PPHLN1: variants seen among roughly 807,000 people sequenced by gnomAD.
PPHLN1 encodes the protein periphilin-1.
Under a neutral mutation model 51.3 loss-of-function variants are expected in PPHLN1, and 29 were observed. That is an observed-to-expected ratio of 0.57 (90% confidence interval 0.42 to 0.77). The LOEUF (loss-of-function observed/expected upper bound fraction) is 0.77, where lower values mean the gene tolerates loss of function less well. PPHLN1 is among the 30% of genes least tolerant of loss of function. The pLI, the probability that PPHLN1 is intolerant of heterozygous loss-of-function variation, is 0.00. For synonymous variants in PPHLN1, 147 were observed against 147.8 expected (o/e 0.99, Z 0.04); for missense variants, 436 against 438.4 (o/e 0.99, Z 0.05).
At chr12:42,419,871 G>A (rs972735641) in intron 9 of PPHLN1, among the ~76,000 whole-genome samples, 4 of 152,198 alleles carry the variant, frequency 2.6e-5, no homozygotes, top group Non-Finnish European at 5.9e-5. Flanking sequence ...TGACTTGAAT[G>A]CTAAGAAAGC....
intron 2 of PPHLN1, among the ~76,000 whole-genome samples, chr12:42,341,001 G>A (rs1419069013): frequency 8.0e-6 from 1 of 125,022 alleles, no homozygotes; most frequent in Non-Finnish European, 1.7e-5. Flanking sequence ...TTTTTTTTGA[G>A]ATGGAGTTTT....
intron 4 of PPHLN1, among the ~76,000 whole-genome samples, chr12:42,362,972 C>A (rs915076936): frequency 6.6e-6 from 1 of 152,128 alleles, no homozygotes; most frequent in African/African-American, 2.4e-5. Flanking sequence ...TGGTGGGTTC[C>A]TTAAGTTCAG....
intron 9 of PPHLN1, among the ~76,000 whole-genome samples, chr12:42,436,134 T>C (rs185505917): frequency 1.3e-5 from 2 of 152,392 alleles, no homozygotes. Context: ...CTTTGATCTT[T>C]CTCTGGCATT....
intron 2 of PPHLN1, among the ~76,000 whole-genome samples, chr12:42,343,070 T>C (rs560615330): frequency 6.6e-6 from 1 of 152,202 alleles, no homozygotes; most frequent in African/African-American, 2.4e-5. Context: ...CAAATGTAAA[T>C]GTACTCAAAC....
In PPHLN1 at chr12:42,387,434, CATCTT is replaced by C. The variant is rs754079123; in HGVS notation, c.569-19_569-15del. 6.4e-7 allele frequency: 1 copy of C among 1,571,804 alleles called. No individual in the cohort carries two copies. Among genetic ancestry groups the C allele is most frequent in the Non-Finnish European group, 8.6e-7 (1 of 1,164,158 alleles). ...AACAAATTAGCTAGAAAAAAAATTA[CATCTT>C]ATGTTTTCTTATATAGATAAAGAGA... On this transcript the variant is annotated splice_polypyrimidine_tract_variant and intron_variant, in intron 6 of 9. Transcript: ENST00000358314.
chr12:42,375,681 T>G (rs1186719992), intron 5 of PPHLN1, among the ~76,000 whole-genome samples: 1 of 152,122 alleles, frequency 6.6e-6, no homozygotes, highest in Non-Finnish European at 1.5e-5. Context: ...ATTTTTATTT[T>G]TATTTTATTT....
chr12:42,441,882 G>A lies in PPHLN1; in HGVS notation c.*373G>A. 2 of 999,264 alleles carry A rather than the reference G, an allele frequency of 2.0e-6. No homozygotes were observed. Among genetic ancestry groups the A allele is most frequent in the Non-Finnish European group, 2.4e-6 (2 of 839,178 alleles). The allele number at this position is 999,264 out of a possible 1,614,324, so 61.9% of individuals were successfully genotyped here. On this transcript the variant is annotated 3_prime_UTR_variant, in exon 10 of 10. Coordinates refer to ENST00000358314, the MANE Select transcript of PPHLN1 (RefSeq NM_201439.2). The stretch of plus-strand genomic sequence containing the variant: ...TTGTGATTTTATTGACTTGTTGCTT[G>A]CTTTTTCTTAGGCTTTGTAACTTGT...
chr12:42,339,271 C>A (rs1212447924), intron 2 of PPHLN1, among the ~76,000 whole-genome samples: 3 of 152,144 alleles, frequency 2.0e-5, no homozygotes, highest in African/African-American at 7.2e-5. Context: ...TCTTCAATTC[C>A]ATTAGATTGG....
chr12:42,386,558 G>A (rs144105352), intron 6 of PPHLN1, among the ~76,000 whole-genome samples: 1 of 152,236 alleles, frequency 6.6e-6, no homozygotes, highest in African/African-American at 2.4e-5. Flanking sequence ...TTAATCCACT[G>A]TCCAGTCTCG....
intron 4 of PPHLN1, among the ~76,000 whole-genome samples, chr12:42,360,918 T>A (rs1303583305): frequency 6.6e-6 from 1 of 152,198 alleles, no homozygotes; most frequent in African/African-American, 2.4e-5. Flanking sequence ...TCCTTCCCCC[T>A]GAAATTGCTT....
intron 4 of PPHLN1, among the ~76,000 whole-genome samples, chr12:42,373,008 C>T (rs1328379593): frequency 1.3e-5 from 2 of 152,178 alleles, no homozygotes; most frequent in South Asian, 2.1e-4. Flanking sequence ...CTCACCTGCT[C>T]CTGTCCCATC....
chr12:42,334,637 G>A (rs982421223), intron 1 of PPHLN1, among the ~76,000 whole-genome samples: 4 of 152,132 alleles, frequency 2.6e-5, no homozygotes, highest in Non-Finnish European at 5.9e-5. Flanking sequence ...TTTGAAATGT[G>A]TTTCTTCTTC....
At chr12:42,397,834 C>G (rs1010079457) in intron 8 of PPHLN1, among the ~76,000 whole-genome samples, 1 of 152,088 alleles carries the variant, frequency 6.6e-6, no homozygotes, top group African/African-American at 2.4e-5. Context: ...CTCTGCCTCC[C>G]GGGTTCAAGT....
chr12:42,350,172 G>T (rs1440437306), intron 2 of PPHLN1: 6 of 151,202 alleles, frequency 4.0e-5, no homozygotes, highest in Middle Eastern at 3.2e-3. Context: ...CTCCCAGACC[G>T]GGCGGCTGGG....
At chr12:42,411,902 T>C (rs1270028019) in intron 9 of PPHLN1, among the ~76,000 whole-genome samples, 1 of 14,616 alleles carries the variant, frequency 6.8e-5, no homozygotes, top group Non-Finnish European at 1.4e-4. Context: ...AGACTCAGTC[T>C]CAAAAAAAAA....
At chr12:42,439,862 T>G (rs2082797676) in intron 9 of PPHLN1, among the ~76,000 whole-genome samples, 1 of 152,178 alleles carries the variant, frequency 6.6e-6, no homozygotes, top group African/African-American at 2.4e-5. Flanking sequence ...TTGACTTTTT[T>G]CCTTTTTTTC....
chr12:42,425,426 G>A lies in PPHLN1; in HGVS notation c.910-15889G>A, dbSNP rs911855037. 3.4e-5 allele frequency among the ~76,000 whole-genome samples: 5 copies of A among 147,194 alleles called. No homozygotes were observed. The South Asian group carries it at 8.7e-4, about 26-fold the overall frequency. On this transcript the variant is annotated intron_variant, in intron 9 of 9. Coordinates refer to ENST00000358314, the MANE Select transcript of PPHLN1 (RefSeq NM_201439.2). ...TATTGAGATGGAGTCTTGCTCTGTC[G>A]CCCAGGCTGGAGTGCAGTGGTGCTA...
At chr12:42,437,298 T>C (rs2082565288) in intron 9 of PPHLN1, among the ~76,000 whole-genome samples, 2 of 152,200 alleles carry the variant, frequency 1.3e-5, no homozygotes, top group African/African-American at 4.8e-5. Context: ...CTCCCTTCTA[T>C]AGACAAAGTC....
chr12:42,396,615 C>CAAAAAAAAAAAAAAAAAAA (rs60131845), intron 8 of PPHLN1, among the ~76,000 whole-genome samples: 1 of 85,494 alleles, frequency 1.2e-5, no homozygotes, highest in Non-Finnish European at 2.0e-5. Context: ...CTTGTCACTA[C>CAAAAAAAAAAAAAAAAAAA]AAAAAAAAAA....
Sources: allele counts gnomAD v4.1 joint callset (sites outside exome capture counted in the v4.1 genomes callset), GRCh38; gene constraint gnomAD v4.1.1; transcripts MANE v1.5; gene names NCBI Gene and HGNC (gene_info 2026-07-23, HGNC 2026-07-21).